The following VWA2 variants were observed in gnomAD, a reference collection of about 807,000 sequenced individuals.
VWA2 encodes von Willebrand factor A domain containing 2.
A neutral mutation model predicts 70.4 loss-of-function variants in VWA2; 73 were observed. The ratio of observed to expected loss-of-function variants is 1.04; its 90% confidence interval spans 0.86 to 1.26. The LOEUF (loss-of-function observed/expected upper bound fraction) is 1.26. Ranked by LOEUF, VWA2 falls within the 50% of genes most tolerant of loss-of-function variation. The probability of loss-of-function intolerance (pLI) is 0.00; values close to 1 mark genes in which losing one functional copy is unlikely to be tolerated. For missense variants in VWA2, 1,011 were observed against 998.5 expected (o/e 1.01, Z -0.17); for synonymous variants, 407 against 423.3 (o/e 0.96, Z 0.47).
rs751918496 is a variant in VWA2 at position 114,289,053 on chromosome 10, G to A, written c.1686G>A (p.Glu562=). ...TGAGAAGCTGTGCCCTCCAGTTTGAGGTGAACCCTGACGTGACACAGGTCG... is the reference window on the plus strand; with the variant it reads ...TGAGAAGCTGTGCCCTCCAGTTTGAAGTGAACCCTGACGTGACACAGGTCG... ...SFVRSCALQF[E]VNPDVTQVGL... The change falls in exon 12 of 14, where the codon GAG becomes GAA. Residue 562 remains glutamate (E), a synonymous_variant. Coordinates refer to ENST00000392982, the MANE Select transcript of VWA2 (RefSeq NM_001272046.2). 4.3e-5 allele frequency: 69 copies of A among 1,614,202 alleles called. No individual in the cohort carries two copies. Among genetic ancestry groups the A allele is most frequent in the Non-Finnish European group, 5.8e-5 (68 of 1,180,040 alleles).
At chr10:114,271,905 G>A (rs1214223101) in intron 5 of VWA2, among the ~76,000 whole-genome samples, 3 of 152,170 alleles carry the variant, frequency 2.0e-5, no homozygotes, top group African/African-American at 4.8e-5. Flanking sequence ...GCTACCATCC[G>A]CTGAATGGTT....
rs1390642641 is a variant in VWA2 at position 114,293,274 on chromosome 10, G to A, written c.*2037G>A. Among the ~76,000 whole-genome samples the A allele has an allele frequency of 1.3e-5, 2 of 152,200 alleles. No homozygotes were observed. Among genetic ancestry groups the A allele is most frequent in the East Asian group, 3.9e-4 (2 of 5,194 alleles). ...GATCACATGCTCCCTAGCAGATGCT[G>A]ATCAGTGATGTCATAGAAATTACAT... On this transcript the variant is annotated 3_prime_UTR_variant, in exon 14 of 14. Coordinates refer to ENST00000392982, the MANE Select transcript of VWA2 (RefSeq NM_001272046.2).
chr10:114,288,904 T>C, intron 11 of VWA2, 34 bp from the exon 12 acceptor site: 1 of 1,571,134 alleles, frequency 6.4e-7, no homozygotes. Flanking sequence ...GACTGGCACA[T>C]CCACTGCTGA....
intron 1 of VWA2, among the ~76,000 whole-genome samples, chr10:114,240,911 G>T (rs1388094106): frequency 6.6e-6 from 1 of 152,172 alleles, no homozygotes; most frequent in Admixed American, 6.5e-5. Flanking sequence ...ATCATCTCTG[G>T]CTGAAAACCA....
At chr10:114,280,440 C>T (rs373681582) in intron 8 of VWA2, among the ~76,000 whole-genome samples, 12 of 144,236 alleles carry the variant, frequency 8.3e-5, no homozygotes, top group Non-Finnish European at 1.3e-4. Flanking sequence ...GTGGGGTAGG[C>T]GGGGGGTTGG....
At chr10:114,262,637 A>G (rs1309929026) in intron 5 of VWA2, among the ~76,000 whole-genome samples, 1 of 152,108 alleles carries the variant, frequency 6.6e-6, no homozygotes, top group Non-Finnish European at 1.5e-5. Flanking sequence ...AGTGCTCTCA[A>G]GAAGCCTGAG....
intron 5 of VWA2, among the ~76,000 whole-genome samples, chr10:114,269,454 G>A (rs2037657810): frequency 6.6e-6 from 1 of 152,208 alleles, no homozygotes; most frequent in Admixed American, 6.5e-5. Context: ...GGTGGTGAGT[G>A]CCTGTAGTCC....
At chr10:114,271,568 T>G (rs2037709244) in intron 5 of VWA2, among the ~76,000 whole-genome samples, 2 of 151,464 alleles carry the variant, frequency 1.3e-5, no homozygotes, top group African/African-American at 4.9e-5. Flanking sequence ...GAGAGATGCC[T>G]GGGCAGGAGG....
In VWA2 at chr10:114,282,552, C is replaced by T. The variant is rs772403392; in HGVS notation, c.870C>T (p.Cys290=). Residue 290 remains cysteine (C), a synonymous_variant, in exon 9 of 14, where the codon TGC becomes TGT. Coordinates refer to ENST00000392982, the MANE Select transcript of VWA2 (RefSeq NM_001272046.2). The part of the protein sequence containing the change: ...KRVFLTHPAT[C]YRTTCPGPCD... ...TGTTCCTAACCCACCCTGCCACCTG[C>T]TACAGGACCACCTGCCCAGGTATGG... The T allele has an allele frequency of 6.2e-6, 10 of 1,614,040 alleles. No individual in the cohort carries two copies. In the South Asian group the frequency reaches 9.9e-5, roughly 16 times the overall value.
intron 8 of VWA2, chr10:114,281,684 C>A: frequency 1.0e-6 from 1 of 972,518 alleles, no homozygotes; most frequent in South Asian, 4.8e-5. Flanking sequence ...CAGATAGTAG[C>A]AGCACACCTG....
rs2039802960 is a variant in VWA2 at position 114,293,591 on chromosome 10, C to T, written c.*2354C>T. 1.3e-5 allele frequency among the ~76,000 whole-genome samples: 2 copies of T among 152,136 alleles called. No homozygotes were observed. Among genetic ancestry groups the T allele is most frequent in the South Asian group, 4.1e-4 (2 of 4,830 alleles). On this transcript the variant is annotated 3_prime_UTR_variant, in exon 14 of 14. Coordinates refer to ENST00000392982, the MANE Select transcript of VWA2 (RefSeq NM_001272046.2). ...CTAACTAGCCAAGCCTTTTTTCTTT[C>T]ATTTAAAAGAAATTAGCTTTAATTT...
At chr10:114,243,715 C>T (rs56041166) in intron 1 of VWA2, among the ~76,000 whole-genome samples, 9,690 of 152,262 alleles carry the variant, frequency 0.064, 339 homozygotes, top group Non-Finnish European at 0.079. Context: ...CTGCCTTCAG[C>T]GATCCCCAAT....
Position 114,292,888 on chromosome 10 carries a change from T to G in VWA2, c.*1651T>G, listed in dbSNP as rs553497496. 8.5e-5 allele frequency among the ~76,000 whole-genome samples: 13 copies of G among 152,116 alleles called. No homozygotes were observed. Among genetic ancestry groups the G allele is most frequent in the Admixed American group, 3.9e-4 (6 of 15,266 alleles). The stretch of plus-strand genomic sequence containing the variant: ...GCCTAGCTAATTTTTGTATTTTTAG[T>G]TAGAGACAGGGTTTCACCATGTTGG... On this transcript the variant is annotated 3_prime_UTR_variant, in exon 14 of 14. Transcript: ENST00000392982.
Position 114,292,390 on chromosome 10 carries a change from T to C in VWA2, c.*1153T>C, listed in dbSNP as rs954278213. 6.6e-6 allele frequency among the ~76,000 whole-genome samples: 1 copy of C among 152,136 alleles called. No homozygotes were observed. The highest frequency in any genetic ancestry group is 1.5e-5 in the Non-Finnish European group (1 of 68,032). ...AGTAAGATTCTTAAACTCAAAAATA[T>C]AGGATAAAGAAACTTACAGAGATTT... On this transcript the variant is annotated 3_prime_UTR_variant, in exon 14 of 14. Coordinates refer to ENST00000392982, the MANE Select transcript of VWA2 (RefSeq NM_001272046.2).
chr10:114,248,834 CT>C, intron 2 of VWA2, 69 bp downstream of exon 2: 1 of 1,438,074 alleles, frequency 7.0e-7, no homozygotes, highest in Non-Finnish European at 9.8e-7. Flanking sequence ...GCTTCAAATC[CT>C]GTTGATTTTC....
chr10:114,242,211 C>A (rs532759708), intron 1 of VWA2, among the ~76,000 whole-genome samples: 161 of 152,186 alleles, frequency 1.1e-3, no homozygotes, highest in African/African-American at 3.6e-3. Flanking sequence ...GAAACTTTGC[C>A]CTTGCCCCGG....
chr10:114,261,713 C>T (rs1405046578), intron 5 of VWA2, among the ~76,000 whole-genome samples: 2 of 152,148 alleles, frequency 1.3e-5, no homozygotes, highest in African/African-American at 4.8e-5. Context: ...TAAGTGCCCC[C>T]CTGTTATTAA....
In VWA2 at chr10:114,289,585, A is replaced by T. The variant is rs750055296; in HGVS notation, c.2122+96A>T. On this transcript the variant is annotated intron_variant, in intron 12 of 13. Coordinates refer to ENST00000392982, the MANE Select transcript of VWA2 (RefSeq NM_001272046.2). ...CATGACGAGGATGGCAGCTCTTCCCAGCTACTGAGCACTTGCTTCCCAAGT... is the reference window on the plus strand; with the variant it reads ...CATGACGAGGATGGCAGCTCTTCCCTGCTACTGAGCACTTGCTTCCCAAGT... 2.1e-6 allele frequency: 3 copies of T among 1,417,850 alleles called. No homozygotes were observed. In the South Asian group the frequency reaches 3.7e-5, roughly 17 times the overall value. 87.8% of individuals were successfully genotyped at this position (1,417,850 alleles called of 1,614,324 possible).
intron 12 of VWA2, chr10:114,289,724 CTT>C (rs1163208932): frequency 1.7e-6 from 1 of 573,846 alleles, no homozygotes; most frequent in African/African-American, 1.9e-5. Flanking sequence ...TCCCCCCAAA[CTT>C]GAGAATTTAT....
Sources: gnomAD v4.1 joint callset for allele counts (sites outside exome capture counted in the v4.1 genomes callset) on GRCh38, gnomAD v4.1.1 for gene constraint, MANE v1.5 for transcripts, NCBI Gene and HGNC (gene_info 2026-07-23, HGNC 2026-07-21) for gene names.